HAPLN2: variants seen among roughly 807,000 people sequenced by gnomAD.
The protein encoded by HAPLN2 is brain link protein-1.
HAPLN2 carries 27 observed loss-of-function variants against 29.3 expected under a neutral mutation model. That is an observed-to-expected ratio of 0.92 (90% CI 0.68 to 1.27). The LOEUF (loss-of-function observed/expected upper bound fraction) is 1.27. HAPLN2 is among the 50% of genes most tolerant of loss of function. The pLI is 0.00. For missense variants in HAPLN2, 454 were observed against 484.3 expected (o/e 0.94, Z 0.59); for synonymous variants, 208 against 211.7 (o/e 0.98, Z 0.15).
chr1:156,613,998 T>G, the HAPLN2 span, among the ~76,000 whole-genome samples: 1 of 151,842 alleles, frequency 6.6e-6, no homozygotes, highest in Non-Finnish European at 1.5e-5. Flanking sequence ...ATCCTCAATT[T>G]TACCATTTCC....
the HAPLN2 span, among the ~76,000 whole-genome samples, chr1:156,609,687 A>G: frequency 2.0e-5 from 3 of 152,212 alleles, no homozygotes; most frequent in Admixed American, 6.5e-5. Context: ...ATGTCCATCA[A>G]TAGGCATCTC....
chr1:156,608,341 G>C, the HAPLN2 span, among the ~76,000 whole-genome samples: 1 of 152,010 alleles, frequency 6.6e-6, no homozygotes, highest in Admixed American at 6.6e-5. Flanking sequence ...CATTCTCTCC[G>C]ATCTGGATGA....
chr1:156,625,475 C>G lies in HAPLN2; in HGVS notation c.*91C>G. 1 of 1,326,062 alleles carries G rather than the reference C, an allele frequency of 7.5e-7. No individual in the cohort carries two copies. Among genetic ancestry groups the G allele is most frequent in the Admixed American group, 2.9e-5 (1 of 34,742 alleles). 82.1% of individuals were successfully genotyped at this position (1,326,062 alleles called of 1,614,324 possible). ...ACCCCTTTCCGGAGAGCCTCCCCTC[C>G]CTCCAGACCCGGAGCGGCCTCTCCA... On this transcript the variant is annotated 3_prime_UTR_variant, in exon 7 of 7. Coordinates refer to ENST00000255039, the MANE Select transcript of HAPLN2 (RefSeq NM_021817.3). The surrounding 1 kb of genome is among the most constrained non-coding windows in gnomAD (Gnocchi z 5.7).
the HAPLN2 span, among the ~76,000 whole-genome samples, chr1:156,606,189 G>A: frequency 2.6e-5 from 4 of 152,040 alleles, no homozygotes; most frequent in African/African-American, 7.2e-5. Flanking sequence ...GCTTGAACCC[G>A]GGAGGCGGAG....
At chr1:156,608,409 G>T in the HAPLN2 span, among the ~76,000 whole-genome samples, 1 of 152,094 alleles carries the variant, frequency 6.6e-6, no homozygotes. Context: ...CCTTTCCCTG[G>T]CCTCATTGTC....
chr1:156,601,565 G>T, the HAPLN2 span: 1 of 1,126,784 alleles, frequency 8.9e-7, no homozygotes, highest in Non-Finnish European at 1.3e-6. Context: ...AACCATTGCG[G>T]AGCCCAATTT....
the HAPLN2 span, chr1:156,601,562 G>T: frequency 8.7e-7 from 1 of 1,152,622 alleles, no homozygotes. Flanking sequence ...AGAAACCATT[G>T]CGGAGCCCAA....
the HAPLN2 span, among the ~76,000 whole-genome samples, chr1:156,611,614 A>G: frequency 1.3e-5 from 2 of 152,076 alleles, no homozygotes; most frequent in African/African-American, 4.8e-5. Context: ...TTAAAGTATA[A>G]TAATAAACAA....
upstream of HAPLN2, among the ~76,000 whole-genome samples, chr1:156,618,957 G>A (rs2365714): frequency 0.25 from 37,551 of 151,512 alleles, 4,874 homozygotes; most frequent in South Asian, 0.49. Flanking sequence ...AAGTCCTTCT[G>A]TCCTCAGAAA....
At chr1:156,612,669 G>A in the HAPLN2 span, among the ~76,000 whole-genome samples, 1 of 152,220 alleles carries the variant, frequency 6.6e-6, no homozygotes, top group Non-Finnish European at 1.5e-5. Flanking sequence ...GCTCACGGGA[G>A]CAGCAAACAC....
At chr1:156,606,423 TAAA>T in the HAPLN2 span, among the ~76,000 whole-genome samples, 2 of 49,478 alleles carry the variant, frequency 4.0e-5, no homozygotes, top group African/African-American at 7.3e-5. Flanking sequence ...AGACTCTGTC[TAAA>T]AAAAAAAAAA....
chr1:156,624,253 C>A, intron 4 of HAPLN2, 93 bp downstream of exon 4: 1 of 1,499,526 alleles, frequency 6.7e-7, no homozygotes, highest in Non-Finnish European at 9.0e-7. Flanking sequence ...CTCCTCCGCA[C>A]CCCTGGGGAC....
At chr1:156,614,859 TG>T (rs1333736638), upstream of HAPLN2, 1 of 152,234 alleles carries the variant, frequency 6.6e-6, no homozygotes, top group Non-Finnish European at 1.5e-5. Context: ...ACAAGTGACA[TG>T]ATTATTAATA....
In HAPLN2 at chr1:156,622,735, A is replaced by G. The variant is rs186183957; in HGVS notation, c.-24-732A>G. 1.1e-4 allele frequency among the ~76,000 whole-genome samples: 17 copies of G among 152,086 alleles called. No individual in the cohort carries two copies. The East Asian group carries it at 3.3e-3, about 29-fold the overall frequency. On this transcript the variant is annotated intron_variant, in intron 2 of 6. Transcript: ENST00000255039. Reference sequence around the variant, plus strand: ...CAGCCTTGGAAGCTGTGGTTATGAGATTGGATTTTATCCTCAGGGCAACTG... The same window carrying G: ...CAGCCTTGGAAGCTGTGGTTATGAGGTTGGATTTTATCCTCAGGGCAACTG...
chr1:156,617,967 G>A (rs1678103090), upstream of HAPLN2, among the ~76,000 whole-genome samples: 1 of 151,854 alleles, frequency 6.6e-6, no homozygotes, highest in Non-Finnish European at 1.5e-5. Flanking sequence ...TGACTTTTTT[G>A]TATGTAAATT....
At chr1:156,604,027 G>T in the HAPLN2 span, among the ~76,000 whole-genome samples, 1 of 152,136 alleles carries the variant, frequency 6.6e-6, no homozygotes, top group African/African-American at 2.4e-5. Flanking sequence ...GTCTCAAGGA[G>T]TTCGCAGTTT....
At position 156,624,754 on chromosome 1, in the gene HAPLN2, A is replaced by G. The variant is rs1421826719; in HGVS notation, c.710A>G (p.Asp237Gly). 2.6e-6 allele frequency: 4 copies of G among 1,539,938 alleles called. No individual in the cohort carries two copies. The highest frequency in any genetic ancestry group is 1.4e-5 in the African/African-American group (1 of 73,340). The change falls in exon 6 of 7, where the codon GAC (aspartate) becomes GGC (glycine). Residue 237 changes from aspartate (D) to glycine (G), a missense_variant. Asp to Gly is a moderately conservative substitution (Grantham distance 94). Transcript: ENST00000255039. ...CGCGACCGGATGCGCGACCGCTACG[A>G]CGCCTTCTGCTTCACCTCCGCGCTG... ...GPRDRMRDRY[D>G]AFCFTSALAG...
the HAPLN2 span, among the ~76,000 whole-genome samples, chr1:156,613,084 C>T: frequency 2.6e-5 from 4 of 152,198 alleles, no homozygotes; most frequent in Admixed American, 6.5e-5. Context: ...GGCATGGTGG[C>T]TCACGCCTGT....
chr1:156,615,948 T>A (rs988493647), upstream of HAPLN2, among the ~76,000 whole-genome samples: 1 of 152,046 alleles, frequency 6.6e-6, no homozygotes, highest in South Asian at 2.1e-4. Flanking sequence ...TTAAAAAAAA[T>A]TATTAAAAAA....
Sources: allele counts gnomAD v4.1 joint callset (sites outside exome capture counted in the v4.1 genomes callset), GRCh38; gene constraint gnomAD v4.1.1; non-coding constraint Gnocchi (gnomAD v3.1); transcripts MANE v1.5; gene names NCBI Gene and HGNC (gene_info 2026-07-23, HGNC 2026-07-21).